Variants in GPR137C observed in about 807,000 individuals in gnomAD.
GPR137C encodes the protein integral membrane protein GPR137C.
Under a neutral mutation model 43.4 loss-of-function variants are expected in GPR137C, and 27 were observed. The ratio of observed to expected loss-of-function variants is 0.62; its 90% CI spans 0.46 to 0.86. The LOEUF (loss-of-function observed/expected upper bound fraction) is 0.86. GPR137C is among the 40% of genes least tolerant of loss of function. The pLI, the probability that GPR137C is intolerant of heterozygous loss-of-function variation, is 0.00. For synonymous variants in GPR137C, 285 were observed against 226.9 expected (o/e 1.26, Z -2.30); for missense variants, 522 against 534.6 (o/e 0.98, Z 0.23).
chr14:52,585,815 A>G (rs907260155), intron 1 of GPR137C, among the ~76,000 whole-genome samples: 1 of 152,126 alleles, frequency 6.6e-6, no homozygotes, highest in African/African-American at 2.4e-5. Context: ...AACCTGGGCG[A>G]TAGAGGGAGA....
At chr14:52,619,829 A>G (rs1251975676) in intron 3 of GPR137C, among the ~76,000 whole-genome samples, 1 of 152,090 alleles carries the variant, frequency 6.6e-6, no homozygotes, top group Non-Finnish European at 1.5e-5. Context: ...AATTATCAAG[A>G]CATGTTTTTA....
chr14:52,585,118 A>G (rs1167297725), intron 1 of GPR137C, among the ~76,000 whole-genome samples: 1 of 152,216 alleles, frequency 6.6e-6, no homozygotes, highest in Non-Finnish European at 1.5e-5. Context: ...CCTAGAAAAA[A>G]ATAGAATCCA....
chr14:52,594,602 G>C (rs1037099220), intron 1 of GPR137C, among the ~76,000 whole-genome samples: 7 of 152,054 alleles, frequency 4.6e-5, no homozygotes, highest in Non-Finnish European at 1.0e-4. Context: ...GATCTTTGTT[G>C]GTTTAAAGTC....
chr14:52,634,588 G>C lies in GPR137C; in HGVS notation c.1113-350G>C, dbSNP rs1355736453. Among the ~76,000 whole-genome samples the C allele has an allele frequency of 4.6e-5, 7 of 152,056 alleles. No individual in the cohort carries two copies. The East Asian group carries it at 1.2e-3, about 25-fold the overall frequency. On this transcript the variant is annotated intron_variant, in intron 6 of 6. Coordinates refer to ENST00000321662, the MANE Select transcript of GPR137C (RefSeq NM_001099652.2). The stretch of plus-strand genomic sequence containing the variant: ...AACCTATTTCAGAGGTTTGTTGTGA[G>C]AAATGAATGTATATGTGTGTCTGCA...
chr14:52,621,049 T>A (rs75138090), intron 3 of GPR137C, among the ~76,000 whole-genome samples: 2,428 of 151,972 alleles, frequency 0.016, 66 homozygotes, highest in African/African-American at 0.055. Context: ...ATTATAAATT[T>A]ATGTCTTTCA....
intron 3 of GPR137C, among the ~76,000 whole-genome samples, chr14:52,626,173 GAA>G (rs2039225294): frequency 6.6e-6 from 1 of 152,148 alleles, no homozygotes; most frequent in Non-Finnish European, 1.5e-5. Flanking sequence ...TAAGGGACTT[GAA>G]TATCTGTGGA....
Position 52,558,721 on chromosome 14 carries a change from A to G in GPR137C, c.444+5130A>G, listed in dbSNP as rs2038232927. Among the ~76,000 whole-genome samples the G allele has an allele frequency of 3.9e-5, 6 of 152,222 alleles. No individual in the cohort carries two copies. In the South Asian group the frequency reaches 1.0e-3, roughly 26 times the overall value. On this transcript the variant is annotated intron_variant, in intron 1 of 6. Transcript: ENST00000321662. ...ATAATTAATCATTTATGAATTAAAC[A>G]CTGTTGAAATACAAAAAATTGGCAC...
chr14:52,595,746 C>G (rs765275182), intron 1 of GPR137C, among the ~76,000 whole-genome samples: 1 of 152,044 alleles, frequency 6.6e-6, no homozygotes, highest in Non-Finnish European at 1.5e-5. Context: ...TTTTTGCTTT[C>G]TTGCATTGGG....
chr14:52,624,210 A>G (rs1302960256), intron 3 of GPR137C, among the ~76,000 whole-genome samples: 1 of 148,046 alleles, frequency 6.8e-6, no homozygotes, highest in Non-Finnish European at 1.5e-5. Context: ...TAAATAACCC[A>G]TGGGTAAAAA....
At chr14:52,598,951 G>C (rs1156699158) in intron 2 of GPR137C, among the ~76,000 whole-genome samples, 1 of 152,180 alleles carries the variant, frequency 6.6e-6, no homozygotes, top group Non-Finnish European at 1.5e-5. Context: ...ACACTAAGCA[G>C]TTTTGTTTGC....
At chr14:52,556,827 G>A (rs530484017) in intron 1 of GPR137C, among the ~76,000 whole-genome samples, 5 of 151,968 alleles carry the variant, frequency 3.3e-5, no homozygotes, top group African/African-American at 1.2e-4. Flanking sequence ...CCATCTTGGA[G>A]TGTTGTGATG....
At chr14:52,593,777 C>G (rs10148218) in intron 1 of GPR137C, among the ~76,000 whole-genome samples, 1 of 118,848 alleles carries the variant, frequency 8.4e-6, no homozygotes, top group African/African-American at 3.4e-5. Flanking sequence ...TTTCAAAAAA[C>G]CAGCTCCTGG....
chr14:52,586,137 A>G (rs565651658), intron 1 of GPR137C, among the ~76,000 whole-genome samples: 2 of 152,340 alleles, frequency 1.3e-5, no homozygotes, highest in South Asian at 4.1e-4. Flanking sequence ...CAGGGAGGAC[A>G]GCGTTCTCTA....
At position 52,553,332 on chromosome 14, in the gene GPR137C, C is replaced by T; in HGVS notation, c.185C>T (p.Ala62Val). Residue 62 changes from alanine (A) to valine (V), a missense_variant, in exon 1 of 7, where the codon GCC becomes GTC. Ala to Val is a moderately conservative substitution (Grantham distance 64). Coordinates refer to ENST00000321662, the MANE Select transcript of GPR137C (RefSeq NM_001099652.2). ...LHALLYAALF[A>V]FAYLQLWRLL... is the part of the protein sequence containing the mutation. ...GCCCTGCTCTACGCCGCGCTGTTCGCCTTTGCCTACCTGCAGCTGTGGCGG... is the reference window on the plus strand; with the variant it reads ...GCCCTGCTCTACGCCGCGCTGTTCGTCTTTGCCTACCTGCAGCTGTGGCGG... 2.5e-6 allele frequency: 4 copies of T among 1,597,962 alleles called. No homozygotes were observed. The highest frequency in any genetic ancestry group is 2.5e-6 in the Non-Finnish European group (3 of 1,176,894).
At chr14:52,621,982 A>G (rs1566624579) in intron 3 of GPR137C, among the ~76,000 whole-genome samples, 1 of 151,880 alleles carries the variant, frequency 6.6e-6, no homozygotes, top group Non-Finnish European at 1.5e-5. Flanking sequence ...ACAAAATAAT[A>G]CTGAGAAGAT....
At chr14:52,607,390 G>A (rs952748720) in intron 3 of GPR137C, among the ~76,000 whole-genome samples, 1 of 152,114 alleles carries the variant, frequency 6.6e-6, no homozygotes, top group African/African-American at 2.4e-5. Flanking sequence ...GTGAGGTGTT[G>A]AAGTCCCCTA....
intron 1 of GPR137C, among the ~76,000 whole-genome samples, chr14:52,566,339 A>G (rs2038369769): frequency 6.6e-6 from 1 of 152,208 alleles, no homozygotes; most frequent in South Asian, 2.1e-4. Flanking sequence ...CTCAGCTACT[A>G]TGTAGGATCC....
chr14:52,616,503 A>AGGCTT (rs1441559080), intron 3 of GPR137C, among the ~76,000 whole-genome samples: 2 of 152,178 alleles, frequency 1.3e-5, no homozygotes, highest in African/African-American at 4.8e-5. Context: ...CACGTTGGCC[A>AGGCTT]GGCTTGTCTC....
Position 52,553,005 on chromosome 14 carries a change from A to G in GPR137C, c.-143A>G. Reference sequence around the variant, plus strand: ...GGGAGCCGCGGCTGCTTTGCGCTGGACTCCGGGTCCCGTCACGGCGCTTCC... The same window carrying G: ...GGGAGCCGCGGCTGCTTTGCGCTGGGCTCCGGGTCCCGTCACGGCGCTTCC... On this transcript the variant is annotated 5_prime_UTR_variant, in exon 1 of 7. Transcript: ENST00000321662. 1 of 274,014 alleles carries G rather than the reference A, an allele frequency of 3.6e-6. No individual in the cohort carries two copies. The highest frequency in any genetic ancestry group is 5.6e-6 in the Non-Finnish European group (1 of 179,744). 17.0% of individuals were successfully genotyped at this position (274,014 alleles called of 1,614,324 possible). A position where few individuals can be genotyped will look rare whatever the true frequency, so the allele number is the denominator to read the frequency against.
Sources: allele counts gnomAD v4.1 joint callset (sites outside exome capture counted in the v4.1 genomes callset), GRCh38; gene constraint gnomAD v4.1.1; transcripts MANE v1.5; gene names NCBI Gene and HGNC (gene_info 2026-07-23, HGNC 2026-07-21).